The following GFOD1 variants were observed in gnomAD, a reference collection of about 807,000 sequenced individuals.
GFOD1 encodes glucose-fructose oxidoreductase domain-containing protein 1.
Under a neutral mutation model 25.4 loss-of-function variants are expected in GFOD1, and 9 were observed. That is an observed-to-expected ratio of 0.35 (90% confidence interval 0.21 to 0.62). The LOEUF (loss-of-function observed/expected upper bound fraction) is 0.62. GFOD1 is among the 20% of genes least tolerant of loss of function. The pLI is 0.72. For synonymous variants in GFOD1, 253 were observed against 245.6 expected (o/e 1.03, Z -0.28); for missense variants, 403 against 556.9 (o/e 0.72, Z 2.78).
intron 1 of GFOD1, among the ~76,000 whole-genome samples, chr6:13,401,741 A>T (rs1218279877): frequency 6.6e-6 from 1 of 152,156 alleles, no homozygotes; most frequent in Admixed American, 6.5e-5. Context: ...ATAAGACAGT[A>T]ATATTATCCA....
chr6:13,365,081 C>T lies in GFOD1; in HGVS notation c.835G>A (p.Val279Met). Residue 279 changes from valine (V) to methionine (M), a missense_variant, in exon 2 of 2, where the codon GTG (valine) becomes ATG (methionine). By Grantham distance (21) the Val-to-Met change is conservative. Coordinates refer to ENST00000379287, the MANE Select transcript of GFOD1 (RefSeq NM_018988.4). The surrounding 1 kb of genome is among the most constrained non-coding windows in gnomAD (Gnocchi z 9.2). ...RNSAPEQELLVQDATPVSNSL... is the reference protein window; with the variant it reads ...RNSAPEQELLMQDATPVSNSL... ...TTGCTCACCGGCGTGGCGTCCTGCA[C>T]CAGCAGCTCCTGCTCCGGGGCGCTG... 6.2e-7 allele frequency: 1 copy of T among 1,612,084 alleles called. No homozygotes were observed. Among genetic ancestry groups the T allele is most frequent in the Non-Finnish European group, 8.5e-7 (1 of 1,179,868 alleles).
At position 13,460,533 on chromosome 6, in the gene GFOD1, C is replaced by T. The variant is rs186414318; in HGVS notation, c.253+26105G>A. The stretch of plus-strand genomic sequence containing the variant: ...GCAGAAACATGGATGGAGCTGGAAG[C>T]CATCATTCTCAGCAAACTTCTGTTC... On this transcript the variant is annotated intron_variant, in intron 1 of 1. Coordinates refer to ENST00000379287, the MANE Select transcript of GFOD1 (RefSeq NM_018988.4). 7.2e-5 allele frequency among the ~76,000 whole-genome samples: 11 copies of T among 152,222 alleles called. 1 individual carries two copies. In the East Asian group the frequency reaches 1.7e-3, roughly 24 times the overall value.
At chr6:13,428,958 T>A (rs1047838765) in intron 1 of GFOD1, among the ~76,000 whole-genome samples, 3 of 152,186 alleles carry the variant, frequency 2.0e-5, no homozygotes, top group Non-Finnish European at 4.4e-5. Context: ...CTCGACCATA[T>A]GAAAAGTGGG....
chr6:13,391,257 A>G (rs1402095087), intron 1 of GFOD1, among the ~76,000 whole-genome samples: 1 of 152,164 alleles, frequency 6.6e-6, no homozygotes, highest in African/African-American at 2.4e-5. Flanking sequence ...CTAGCTAGCT[A>G]CCAAAACAGC....
chr6:13,364,589 G>A lies in GFOD1; in HGVS notation c.*154C>T. On this transcript the variant is annotated 3_prime_UTR_variant, in exon 2 of 2. Coordinates refer to ENST00000379287, the MANE Select transcript of GFOD1 (RefSeq NM_018988.4). This position sits in a 1 kb window ranked among gnomAD's most constrained non-coding sequence, Gnocchi z 4.1. ...AGTCTGGTTTGGGGTCGGTCACCGG[G>A]ATTGGAGTTTACCTTCCTAGATGCC... 3.0e-6 allele frequency: 2 copies of A among 673,064 alleles called. No homozygotes were observed. Among genetic ancestry groups the A allele is most frequent in the Non-Finnish European group, 5.0e-6 (2 of 402,916 alleles). The allele number at this position is 673,064 out of a possible 1,614,324, so 41.7% of individuals were successfully genotyped here.
At chr6:13,481,408 C>G (rs113122226) in intron 1 of GFOD1, among the ~76,000 whole-genome samples, 1 of 152,148 alleles carries the variant, frequency 6.6e-6, no homozygotes, top group African/African-American at 2.4e-5. Flanking sequence ...GCCAGGTGGC[C>G]GGAATATAGA....
chr6:13,486,748 A>G lies in GFOD1; in HGVS notation c.143T>C (p.Val48Ala). The G allele has an allele frequency of 6.2e-7, 1 of 1,613,564 alleles. No homozygotes were observed. The highest frequency in any genetic ancestry group is 8.5e-7 in the Non-Finnish European group (1 of 1,179,692). Reference protein sequence around the residue: ...EAEELAKEMSVPFYTSRIDEV... With the variant: ...EAEELAKEMSAPFYTSRIDEV... ...ATCAATGCGGCTAGTGTAGAAGGGG[A>G]CACTCATCTCCTTGGCCAGCTCCTC... The change falls in exon 1 of 2, where the codon GTC becomes GCC. Residue 48 changes from valine to alanine, a missense_variant. By Grantham distance (64) the Val-to-Ala change is moderately conservative. Transcript: ENST00000379287.
In GFOD1 at chr6:13,365,667, GGGT is replaced by G. The variant is rs1785030169; in HGVS notation, c.254-8_254-6del. The G allele has an allele frequency of 1.3e-6, 2 of 1,587,952 alleles. No individual in the cohort carries two copies. The highest frequency in any genetic ancestry group is 1.3e-5 in the African/African-American group (1 of 74,698). ...AGATGACGTTCTTGCCGATGCCTGC[GGGT>G]GGGAGGAAGACAGCGGTCAGCGGGG... On this transcript the variant is annotated splice_region_variant and splice_polypyrimidine_tract_variant and intron_variant, in intron 1 of 1. Transcript: ENST00000379287. This position sits in a 1 kb window ranked among gnomAD's most constrained non-coding sequence, Gnocchi z 9.2.
At position 13,365,554 on chromosome 6, in the gene GFOD1, A is replaced by G. The variant is rs1018662457; in HGVS notation, c.362T>C (p.Val121Ala). 6.2e-7 allele frequency: 1 copy of G among 1,611,234 alleles called. No individual in the cohort carries two copies. The highest frequency in any genetic ancestry group is 1.3e-5 in the African/African-American group (1 of 74,922). The change falls in exon 2 of 2, where the codon GTG (valine) becomes GCG (alanine). Residue 121 changes from valine (V) to alanine (A), a missense_variant. Physicochemically the swap from Val to Ala is moderately conservative, Grantham distance 64. Coordinates refer to ENST00000379287, the MANE Select transcript of GFOD1 (RefSeq NM_018988.4). This position sits in a 1 kb window ranked among gnomAD's most constrained non-coding sequence, Gnocchi z 9.2. ...YPKLMSIMGN[V>A]LRFLPAFVRM... ...CACGAAAGCCGGCAGGAAGCGCAGC[A>G]CGTTGCCCATGATGCTCATGAGCTT...
At chr6:13,433,386 T>C (rs1001301315) in intron 1 of GFOD1, among the ~76,000 whole-genome samples, 1 of 152,228 alleles carries the variant, frequency 6.6e-6, no homozygotes, top group Non-Finnish European at 1.5e-5. Flanking sequence ...CCCAAAGTGC[T>C]GGGATTACAG....
intron 1 of GFOD1, among the ~76,000 whole-genome samples, chr6:13,418,334 C>T (rs1786196137): frequency 6.6e-6 from 1 of 152,210 alleles, no homozygotes; most frequent in Admixed American, 6.5e-5. Flanking sequence ...TCATTAATTA[C>T]CCTCCGGAGC....
intron 1 of GFOD1, among the ~76,000 whole-genome samples, chr6:13,475,662 A>T (rs1385127947): frequency 6.6e-6 from 1 of 150,782 alleles, no homozygotes. Context: ...CAGCTGGAGT[A>T]AGCCGAGATT....
At chr6:13,460,558 CCTG>C (rs1758273777) in intron 1 of GFOD1, among the ~76,000 whole-genome samples, 1 of 152,130 alleles carries the variant, frequency 6.6e-6, no homozygotes, top group South Asian at 2.1e-4. Context: ...AACTTCTGTT[CCTG>C]TGAACAGAAA....
chr6:13,415,654 C>T (rs781084494), intron 1 of GFOD1, among the ~76,000 whole-genome samples: 24 of 152,144 alleles, frequency 1.6e-4, no homozygotes, highest in Non-Finnish European at 2.9e-4. Context: ...TCTATGTGTC[C>T]GGATTCACTA....
intron 1 of GFOD1, among the ~76,000 whole-genome samples, chr6:13,396,169 G>T (rs1292924507): frequency 6.6e-6 from 1 of 152,192 alleles, no homozygotes; most frequent in South Asian, 2.1e-4. Flanking sequence ...ATCCTCCAAA[G>T]AATTATAGCC....
At chr6:13,447,740 C>CAAAAAAAAAA (rs34431944) in intron 1 of GFOD1, among the ~76,000 whole-genome samples, 1 of 31,918 alleles carries the variant, frequency 3.1e-5, no homozygotes, top group African/African-American at 1.2e-4. Context: ...GACTCCTTCT[C>CAAAAAAAAAA]AAAAAAAAAA....
chr6:13,409,144 A>G (rs56049940), intron 1 of GFOD1, among the ~76,000 whole-genome samples: 3 of 37,316 alleles, frequency 8.0e-5, no homozygotes, highest in Non-Finnish European at 2.5e-4. Context: ...AAAGAAAGAA[A>G]GAAAGAGAGG....
At chr6:13,370,303 A>G (rs1267727414) in intron 1 of GFOD1, among the ~76,000 whole-genome samples, 1 of 152,202 alleles carries the variant, frequency 6.6e-6, no homozygotes, top group Non-Finnish European at 1.5e-5. Flanking sequence ...ACTCAGACAG[A>G]TGCACAAAAC....
intron 1 of GFOD1, among the ~76,000 whole-genome samples, chr6:13,390,300 T>C (rs1193269986): frequency 3.9e-5 from 6 of 152,082 alleles, no homozygotes; most frequent in Non-Finnish European, 1.5e-5. Flanking sequence ...GTTGTTTATA[T>C]AAAACAGGGG....
Sources: gnomAD v4.1 joint callset for allele counts (sites outside exome capture counted in the v4.1 genomes callset) on GRCh38, gnomAD v4.1.1 for gene constraint, Gnocchi (gnomAD v3.1) non-coding constraint, MANE v1.5 for transcripts, NCBI Gene and HGNC (gene_info 2026-07-23, HGNC 2026-07-21) for gene names.